The following ETHE1 variants were observed in gnomAD, a reference collection of about 807,000 sequenced individuals.
ETHE1 encodes the protein ETHE1 persulfide dioxygenase, also known as persulfide dioxygenase ETHE1, mitochondrial.
A neutral mutation model predicts 25.7 loss-of-function variants in ETHE1; 16 were observed. The observed-to-expected ratio is 0.62, with a 90% confidence interval of 0.42 to 0.95. The LOEUF (loss-of-function observed/expected upper bound fraction) is 0.95. Among genes scored for constraint, ETHE1 ranks in the 40% least tolerant of loss-of-function variants. ETHE1 has a pLI of 0.00. For missense variants in ETHE1, 300 were observed against 333.6 expected (o/e 0.90, Z 0.79); for synonymous variants, 139 against 135.9 (o/e 1.02, Z -0.16).
intron 6 of ETHE1, among the ~76,000 whole-genome samples, chr19:43,507,322 C>T (rs1415566339): frequency 3.7e-5 from 4 of 107,748 alleles, no homozygotes; most frequent in Admixed American, 9.5e-5. Context: ...CCCCCAGCCC[C>T]TCCTCCCTCA....
intron 6 of ETHE1, among the ~76,000 whole-genome samples, chr19:43,507,429 G>A (rs577499874): frequency 2.6e-4 from 22 of 84,700 alleles, no homozygotes; most frequent in African/African-American, 9.4e-4. Flanking sequence ...TCAGACCCAG[G>A]AGCCCAGGTC....
chr19:43,526,391 G>A, intron 2 of ETHE1, 42 bp from the exon 3 acceptor site: 1 of 1,613,160 alleles, frequency 6.2e-7, no homozygotes, highest in Non-Finnish European at 8.5e-7. Context: ...GTACAGAAAG[G>A]ACCTGGGAGT....
At position 43,526,365 on chromosome 19, in the gene ETHE1, G is replaced by A. The variant is rs370613015; in HGVS notation, c.227-16C>T. The stretch of plus-strand genomic sequence containing the variant: ...TGGGTATTCACTGGGAGAGAGAGGA[G>A]GGACAGGTCCGGAGGGTACAGAAAG... On this transcript the variant is annotated splice_polypyrimidine_tract_variant and intron_variant, in intron 2 of 6. Transcript: ENST00000292147. 6.2e-7 allele frequency: 1 copy of A among 1,614,126 alleles called. No homozygotes were observed. Among genetic ancestry groups the A allele is most frequent in the Non-Finnish European group, 8.5e-7 (1 of 1,180,014 alleles).
chr19:43,511,676 A>G (rs1971921574), intron 3 of ETHE1, 110 bp from the exon 4 acceptor site: 1 of 1,248,690 alleles, frequency 8.0e-7, no homozygotes, highest in Non-Finnish European at 1.1e-6. Flanking sequence ...ACATTTTGGT[A>G]AAAAATGTAG....
chr19:43,526,049 C>G, intron 3 of ETHE1, 152 bp downstream of exon 3: 1 of 1,179,138 alleles, frequency 8.5e-7, no homozygotes, highest in East Asian at 2.5e-5. Context: ...TATGGTGCCC[C>G]CCTCCCAGAA....
chr19:43,526,386 G>A (rs1313885342), intron 2 of ETHE1, 37 bp from the exon 3 acceptor site: 1 of 1,613,536 alleles, frequency 6.2e-7, no homozygotes, highest in East Asian at 2.2e-5. Flanking sequence ...GGAGGGTACA[G>A]AAAGGACCTG....
intron 3 of ETHE1, among the ~76,000 whole-genome samples, chr19:43,521,276 G>T (rs552631494): frequency 4.6e-5 from 7 of 152,300 alleles, no homozygotes; most frequent in African/African-American, 1.7e-4. Context: ...AGTGAGCCGA[G>T]ACTGCGCCAC....
In ETHE1 at chr19:43,513,958, C is replaced by A. The variant is rs940424141; in HGVS notation, c.376-2392G>T. Among the ~76,000 whole-genome samples, 8 of 152,026 alleles carry A rather than the reference C, an allele frequency of 5.3e-5. No homozygotes were observed. The East Asian group carries it at 1.5e-3, about 29-fold the overall frequency. On this transcript the variant is annotated intron_variant, in intron 3 of 6. Coordinates refer to ENST00000292147, the MANE Select transcript of ETHE1 (RefSeq NM_014297.5). ...GCTGGTCTTGAACTCCTGACCTCAG[C>A]TGATCTGCCTGCCTTGGCCTCCCAA...
intron 5 of ETHE1, among the ~76,000 whole-genome samples, chr19:43,508,346 CT>C (rs397933393): frequency 1.4e-3 from 179 of 124,680 alleles, no homozygotes; most frequent in African/African-American, 2.8e-3. Context: ...CACTTTATCT[CT>C]TTTTTTTTTT....
chr19:43,513,401 G>A (rs978304022), intron 3 of ETHE1, among the ~76,000 whole-genome samples: 1 of 152,008 alleles, frequency 6.6e-6, no homozygotes, highest in African/African-American at 2.4e-5. Context: ...GCCAGGAGTG[G>A]GGCTGTACCC....
At chr19:43,515,166 C>T (rs151167314) in intron 3 of ETHE1, among the ~76,000 whole-genome samples, 206 of 152,138 alleles carry the variant, frequency 1.4e-3, no homozygotes, top group African/African-American at 4.8e-3. Context: ...CCTGTAATCC[C>T]AGCACTTTGG....
At chr19:43,508,632 C>A in intron 5 of ETHE1, 143 bp downstream of exon 5, 1 of 758,352 alleles carries the variant, frequency 1.3e-6, no homozygotes, top group Non-Finnish European at 2.3e-6. Flanking sequence ...TGTGAGCCCC[C>A]TTGCCCAGCC....
intron 3 of ETHE1, among the ~76,000 whole-genome samples, chr19:43,513,461 T>C (rs1971959299): frequency 6.6e-6 from 1 of 152,202 alleles, no homozygotes; most frequent in Admixed American, 6.5e-5. Context: ...ACCCACCTCT[T>C]GCATCAGCAT....
At chr19:43,506,931 AAG>A in intron 6 of ETHE1, 29 bp from the exon 7 acceptor site, 1 of 1,613,266 alleles carries the variant, frequency 6.2e-7, no homozygotes, top group Non-Finnish European at 8.5e-7. Flanking sequence ...GGTTAAAACT[AAG>A]GGGCCTAGGT....
chr19:43,509,878 C>T (rs1159314089), intron 4 of ETHE1, among the ~76,000 whole-genome samples: 1 of 152,194 alleles, frequency 6.6e-6, no homozygotes, highest in East Asian at 1.9e-4. Context: ...ATGGTCCCCA[C>T]AAGCAGCTCT....
chr19:43,526,870 C>T, intron 1 of ETHE1: 8 of 1,474,004 alleles, frequency 5.4e-6, no homozygotes, highest in Non-Finnish European at 7.2e-6. Context: ...ATCAGGGTCC[C>T]CAGCACGTTC....
At chr19:43,510,713 G>A (rs1276391047) in intron 4 of ETHE1, among the ~76,000 whole-genome samples, 3 of 151,326 alleles carry the variant, frequency 2.0e-5, no homozygotes, top group Non-Finnish European at 4.4e-5. Flanking sequence ...GGCTCAAATA[G>A]GTAACTAACA....
intron 4 of ETHE1, among the ~76,000 whole-genome samples, chr19:43,509,690 G>A (rs1187355411): frequency 6.6e-6 from 1 of 151,948 alleles, no homozygotes; most frequent in East Asian, 1.9e-4. Context: ...CAGCTACTCG[G>A]GAGGCTGAGG....
At chr19:43,517,159 T>C (rs1034031176) in intron 3 of ETHE1, among the ~76,000 whole-genome samples, 5 of 150,750 alleles carry the variant, frequency 3.3e-5, no homozygotes, top group African/African-American at 1.2e-4. Context: ...TCATATTCCA[T>C]GCACCCATAC....
Sources: gnomAD v4.1 joint callset for allele counts (sites outside exome capture counted in the v4.1 genomes callset) on GRCh38, gnomAD v4.1.1 for gene constraint, MANE v1.5 for transcripts, NCBI Gene and HGNC (gene_info 2026-07-23, HGNC 2026-07-21) for gene names.